Variants in SUMF1 observed in about 807,000 individuals in gnomAD.
The protein encoded by SUMF1 is sulfatase modifying factor 1, also known as formylglycine-generating enzyme.
In SUMF1, 48 loss-of-function variants were observed where a neutral mutation model predicts 47.6. The observed-to-expected ratio is 1.01, with a 90% confidence interval of 0.80 to 1.28. The LOEUF (loss-of-function observed/expected upper bound fraction) is 1.28. Ranked by LOEUF, SUMF1 falls within the 50% of genes most tolerant of loss-of-function variation. The pLI, the probability that SUMF1 is intolerant of heterozygous loss-of-function variation, is 0.00. For synonymous variants in SUMF1, 230 were observed against 192.1 expected, an observed-to-expected ratio of 1.20 and a Z score of -1.63; for missense variants, 571 against 485.4, an observed-to-expected ratio of 1.18 and a Z score of -1.66.
intron 7 of SUMF1, among the ~76,000 whole-genome samples, chr3:4,385,908 T>C (rs1700656930): frequency 6.6e-6 from 1 of 152,214 alleles, no homozygotes. Context: ...TAAATTGCTT[T>C]GGCAACTTTG....
chr3:4,252,592 C>T (rs1308182554), intron 8 of SUMF1, among the ~76,000 whole-genome samples: 1 of 152,086 alleles, frequency 6.6e-6, no homozygotes. Context: ...GTACAATGAA[C>T]TTAAAGGTCT....
At chr3:4,343,559 C>A (rs1458724197) in intron 8 of SUMF1, among the ~76,000 whole-genome samples, 2 of 152,180 alleles carry the variant, frequency 1.3e-5, no homozygotes, top group Non-Finnish European at 2.9e-5. Flanking sequence ...CAGATGAAGA[C>A]CTCAGTTTGA....
intron 8 of SUMF1, among the ~76,000 whole-genome samples, chr3:4,213,364 T>A (rs1358291239): frequency 3.9e-5 from 6 of 152,068 alleles, no homozygotes; most frequent in African/African-American, 1.4e-4. Context: ...GCAAATGCTT[T>A]AAGATTTTGT....
intron 8 of SUMF1, among the ~76,000 whole-genome samples, chr3:4,221,622 A>AC (rs1559582476): frequency 6.6e-6 from 1 of 152,106 alleles, no homozygotes. Flanking sequence ...TCATTCAGTT[A>AC]TTTGATAAAT....
rs574226994 is a variant in SUMF1 at position 4,303,953 on chromosome 3, C to T, written c.1014+72377G>A. On this transcript the variant is annotated intron_variant and NMD_transcript_variant, in intron 8 of 12. Coordinates refer to the SUMF1 transcript ENST00000448413. ...CCCTCGAGTCAGCCTTAGCTGTGGT[C>T]TCCCTCACGCTGTGGGCTCTTGGGC... 778 of 951,690 alleles carry T rather than the reference C, an allele frequency of 8.2e-4. 14 individuals are homozygous for T. In the South Asian group the frequency reaches 0.014, roughly 17 times the overall value. The allele number at this position is 951,690 out of a possible 1,614,324, so 59.0% of individuals were successfully genotyped here. A position where few individuals can be genotyped will look rare whatever the true frequency, so the allele number is the denominator to read the frequency against.
chr3:4,334,730 T>C (rs1699112036), intron 8 of SUMF1, among the ~76,000 whole-genome samples: 1 of 152,236 alleles, frequency 6.6e-6, no homozygotes, highest in African/African-American at 2.4e-5. Context: ...GAGGTAAAAC[T>C]GCAGAATTTT....
chr3:4,146,405 A>AG (rs5846312), intron 8 of SUMF1, among the ~76,000 whole-genome samples: 4 of 151,726 alleles, frequency 2.6e-5, no homozygotes, highest in Non-Finnish European at 2.9e-5. Context: ...GAGAGAGGCG[A>AG]GGGGGGGAAA....
chr3:4,261,144 A>T (rs1330838653), intron 8 of SUMF1, among the ~76,000 whole-genome samples: 2 of 152,200 alleles, frequency 1.3e-5, no homozygotes, highest in African/African-American at 4.8e-5. Flanking sequence ...AACACATCTC[A>T]AGAGTCCCCA....
intron 8 of SUMF1, among the ~76,000 whole-genome samples, chr3:4,363,130 T>A (rs929619162): frequency 2.0e-5 from 3 of 152,138 alleles, no homozygotes; most frequent in Admixed American, 2.0e-4. Context: ...AGAATATATA[T>A]TAATTTTTGA....
At chr3:4,070,092 T>G (rs993635340) in intron 8 of SUMF1, among the ~76,000 whole-genome samples, 3 of 152,192 alleles carry the variant, frequency 2.0e-5, no homozygotes, top group African/African-American at 7.2e-5. Context: ...ATCCCAGGTC[T>G]TCAGATAAAC....
intron 9 of SUMF1, among the ~76,000 whole-genome samples, chr3:4,068,140 C>T (rs1159595522): frequency 2.6e-5 from 4 of 152,134 alleles, no homozygotes; most frequent in Non-Finnish European, 5.9e-5. Flanking sequence ...CAATTACCAG[C>T]TTAAAACATT....
intron 8 of SUMF1, among the ~76,000 whole-genome samples, chr3:4,345,439 T>A (rs1307899523): frequency 6.6e-6 from 1 of 152,120 alleles, no homozygotes; most frequent in East Asian, 1.9e-4. Flanking sequence ...AAACTAAGCT[T>A]CAAAAGCGAA....
chr3:4,451,965 G>A (rs566075494), intron 2 of SUMF1, among the ~76,000 whole-genome samples: 1 of 152,252 alleles, frequency 6.6e-6, no homozygotes, highest in Non-Finnish European at 1.5e-5. Context: ...TTACAGGCGT[G>A]AGCCACCGCG....
chr3:4,178,810 A>G (rs904801982), intron 8 of SUMF1, among the ~76,000 whole-genome samples: 2 of 152,162 alleles, frequency 1.3e-5, no homozygotes, highest in Non-Finnish European at 2.9e-5. Flanking sequence ...TCAGCCCAAA[A>G]TCTCCTTAAG....
intron 8 of SUMF1, chr3:4,303,605 G>C (rs958019878): frequency 4.4e-6 from 6 of 1,372,270 alleles, no homozygotes; most frequent in Non-Finnish European, 1.9e-6. Context: ...TCGCTGGGAC[G>C]GCCTCCCAGT....
intron 9 of SUMF1, among the ~76,000 whole-genome samples, chr3:4,059,879 T>C (rs1695249538): frequency 6.7e-6 from 1 of 150,228 alleles, no homozygotes; most frequent in Non-Finnish European, 1.5e-5. Context: ...ATGTGCTGGA[T>C]AAGGAGAATA....
chr3:4,169,393 G>T (rs1694781082), intron 8 of SUMF1, among the ~76,000 whole-genome samples: 1 of 152,074 alleles, frequency 6.6e-6, no homozygotes, highest in South Asian at 2.1e-4. Context: ...GGGAAATTTG[G>T]ACACAAAGAG....
At chr3:4,182,747 C>T (rs1011102804) in intron 8 of SUMF1, among the ~76,000 whole-genome samples, 1 of 152,056 alleles carries the variant, frequency 6.6e-6, no homozygotes, top group South Asian at 2.1e-4. Flanking sequence ...GGAACACTTG[C>T]GGTTACACTA....
chr3:4,360,877 G>A (rs1699735361), downstream of SUMF1, among the ~76,000 whole-genome samples: 1 of 152,142 alleles, frequency 6.6e-6, no homozygotes, highest in Admixed American at 6.5e-5. Context: ...GGAAGCAAAT[G>A]CTGGGTTTTA....
Sources: gnomAD v4.1 joint callset for allele counts (sites outside exome capture counted in the v4.1 genomes callset) on GRCh38, gnomAD v4.1.1 for gene constraint, MANE v1.5 for transcripts, NCBI Gene and HGNC (gene_info 2026-07-23, HGNC 2026-07-21) for gene names.